Variants in FFAR4 observed in about 807,000 individuals in gnomAD.
FFAR4 encodes free fatty acid receptor 4.
A neutral mutation model predicts 27.0 loss-of-function variants in FFAR4; 19 were observed. That is an observed-to-expected ratio of 0.70 (90% CI 0.49 to 1.03). FFAR4 has a LOEUF of 1.03. Ranked by LOEUF, FFAR4 falls within the 50% of genes least tolerant of loss-of-function variation. FFAR4 has a pLI of 0.00. For missense variants in FFAR4, 476 were observed against 479.0 expected (o/e 0.99, Z 0.06); for synonymous variants, 254 against 215.6 (o/e 1.18, Z -1.56).
At chr10:93,571,642 T>C (rs2058132275) in intron 1 of FFAR4, among the ~76,000 whole-genome samples, 1 of 152,140 alleles carries the variant, frequency 6.6e-6, no homozygotes, top group South Asian at 2.1e-4. Flanking sequence ...TGAGTGTGGA[T>C]TGTCTGAGGA....
chr10:93,573,924 T>C (rs1287790885), intron 1 of FFAR4, among the ~76,000 whole-genome samples: 2 of 152,178 alleles, frequency 1.3e-5, no homozygotes, highest in African/African-American at 4.8e-5. Context: ...CTTTTTTCTT[T>C]TATAAAAGTA....
chr10:93,587,338 CCTT>C lies in FFAR4; in HGVS notation c.820_822del (p.Phe274del). On this transcript the variant is annotated inframe_deletion, in exon 3 of 3. Coordinates refer to ENST00000371481, the MANE Select transcript of FFAR4 (RefSeq NM_001195755.2). ...CGCACCCTCTTCCTCCTCATGGTCT[CCTT>C]CTTCATCATGTGGAGCCCCATCATC... The C allele has an allele frequency of 6.2e-7, 1 of 1,614,146 alleles. No individual in the cohort carries two copies. The highest frequency in any genetic ancestry group is 1.3e-5 in the African/African-American group (1 of 75,032).
At chr10:93,577,756 T>A (rs2058172852) in intron 2 of FFAR4, among the ~76,000 whole-genome samples, 2 of 152,182 alleles carry the variant, frequency 1.3e-5, no homozygotes, top group South Asian at 4.1e-4. Flanking sequence ...GAATTACAGA[T>A]GAAGAAACCC....
In FFAR4 at chr10:93,566,785, G is replaced by A. The variant is rs1453602219; in HGVS notation, c.65G>A (p.Arg22His). The A allele has an allele frequency of 1.2e-6, 2 of 1,608,374 alleles. No homozygotes were observed. The highest frequency in any genetic ancestry group is 2.2e-5 in the East Asian group (1 of 44,730). ...APLRSLEQANRTRFPFFSDVK... is the reference protein window; with the variant it reads ...APLRSLEQANHTRFPFFSDVK... ...TTGCGCAGCCTGGAGCAAGCCAACC[G>A]CACCCGCTTTCCCTTCTTCTCCGAC... The change falls in exon 1 of 3, where the codon CGC becomes CAC. Residue 22 changes from arginine to histidine, a missense_variant. By Grantham distance (29) the Arg-to-His change is conservative. Coordinates refer to ENST00000371481, the MANE Select transcript of FFAR4 (RefSeq NM_001195755.2).
At chr10:93,586,797 C>T (rs189053291) in intron 2 of FFAR4, among the ~76,000 whole-genome samples, 5 of 152,286 alleles carry the variant, frequency 3.3e-5, no homozygotes, top group South Asian at 4.1e-4. Flanking sequence ...AAAATACTCA[C>T]GTTAGTCACC....
Position 93,567,046 on chromosome 10 carries a change from T to C in FFAR4, c.326T>C (p.Val109Ala). ...ACTGAGGCCTGGCTGCTGGGCCCCG[T>C]TGCCTGCCACCTGCTCTTCTACGTG... is the stretch of plus-strand genomic sequence containing the variant. Reference protein sequence around the residue: ...RWTEAWLLGPVACHLLFYVMT... With the variant: ...RWTEAWLLGPAACHLLFYVMT... The change falls in exon 1 of 3, where the codon GTT becomes GCT. Residue 109 changes from valine to alanine, a missense_variant. Coordinates refer to ENST00000371481, the MANE Select transcript of FFAR4 (RefSeq NM_001195755.2). 1.2e-6 allele frequency: 2 copies of C among 1,611,550 alleles called. No homozygotes were observed. Among genetic ancestry groups the C allele is most frequent in the African/African-American group, 1.3e-5 (1 of 75,020 alleles).
chr10:93,585,325 T>C (rs1227448913), intron 2 of FFAR4, among the ~76,000 whole-genome samples: 2 of 152,194 alleles, frequency 1.3e-5, no homozygotes, highest in South Asian at 2.1e-4. Flanking sequence ...TGTGCAAGGA[T>C]ACGCATGAGG....
intron 2 of FFAR4, among the ~76,000 whole-genome samples, chr10:93,580,317 A>T (rs2058190126): frequency 6.6e-6 from 1 of 152,214 alleles, no homozygotes; most frequent in South Asian, 2.1e-4. Flanking sequence ...GGATACAAAC[A>T]CTACAGCACC....
At chr10:93,583,672 G>A (rs1165668905) in intron 2 of FFAR4, among the ~76,000 whole-genome samples, 1 of 152,330 alleles carries the variant, frequency 6.6e-6, no homozygotes, top group Admixed American at 6.5e-5. Context: ...CAAGTTGGCA[G>A]TCCACCTCGG....
intron 1 of FFAR4, among the ~76,000 whole-genome samples, chr10:93,572,979 T>G (rs2058140569): frequency 1.3e-5 from 2 of 152,170 alleles, no homozygotes; most frequent in African/African-American, 4.8e-5. Context: ...CCTCCCAATT[T>G]CATCCCACAA....
chr10:93,569,827 G>A (rs1004340081), intron 1 of FFAR4, among the ~76,000 whole-genome samples: 1 of 151,922 alleles, frequency 6.6e-6, no homozygotes, highest in East Asian at 1.9e-4. Flanking sequence ...GGGAGGCTGA[G>A]GTGGGCGGAT....
rs970428546 is a variant in FFAR4 at position 93,588,476 on chromosome 10, T to G, written c.*867T>G. ...TCATGAAATGAGAGAGAAAGTAGGATGGCTCTGAAATGTTTGAGAGTGAGT... is the reference window on the plus strand; with the variant it reads ...TCATGAAATGAGAGAGAAAGTAGGAGGGCTCTGAAATGTTTGAGAGTGAGT... On this transcript the variant is annotated 3_prime_UTR_variant, in exon 3 of 3. Coordinates refer to ENST00000371481, the MANE Select transcript of FFAR4 (RefSeq NM_001195755.2). 1 of 151,860 alleles carries G rather than the reference T, an allele frequency of 6.6e-6. No homozygotes were observed. Among genetic ancestry groups the G allele is most frequent in the African/African-American group, 2.4e-5 (1 of 41,316 alleles). 9.4% of individuals were successfully genotyped at this position (151,860 alleles called of 1,614,324 possible).
intron 1 of FFAR4, among the ~76,000 whole-genome samples, chr10:93,571,183 T>C (rs2058129842): frequency 6.6e-6 from 1 of 152,178 alleles, no homozygotes; most frequent in South Asian, 2.1e-4. Flanking sequence ...CTCACCCTGC[T>C]TCAACAGGAT....
chr10:93,572,564 GAAAAT>G (rs1233812066), intron 1 of FFAR4, among the ~76,000 whole-genome samples: 1 of 152,208 alleles, frequency 6.6e-6, no homozygotes, highest in Non-Finnish European at 1.5e-5. Flanking sequence ...GTAGGCCAGT[GAAAAT>G]GCAATAGGTG....
In FFAR4 at chr10:93,567,294, G is replaced by T. The variant is rs573284989; in HGVS notation, c.567+7G>T. 7.5e-6 allele frequency: 12 copies of T among 1,596,242 alleles called. No homozygotes were observed. Among genetic ancestry groups the T allele is most frequent in the Non-Finnish European group, 1.0e-5 (12 of 1,178,626 alleles). Reference sequence around the variant, plus strand: ...GCTCCCCGGCGCCGACCAGGTGAGCGCCCCTCTGTGTGTGCCGGGCAGGTG... The same window carrying T: ...GCTCCCCGGCGCCGACCAGGTGAGCTCCCCTCTGTGTGTGCCGGGCAGGTG... On this transcript the variant is annotated splice_region_variant and intron_variant, in intron 1 of 2. Coordinates refer to ENST00000371481, the MANE Select transcript of FFAR4 (RefSeq NM_001195755.2).
Position 93,566,939 on chromosome 10 carries a change from G to T in FFAR4, c.219G>T (p.Ala73=), listed in dbSNP as rs532311130. Residue 73 remains alanine (A), a synonymous_variant, in exon 1 of 3, where the codon GCG becomes GCT. Coordinates refer to ENST00000371481, the MANE Select transcript of FFAR4 (RefSeq NM_001195755.2). ...VLVARRRRRG[A]TACLVLNLFC... ...TGGCGCGCCGACGACGCCGCGGCGC[G>T]ACTGCCTGCCTGGTACTCAACCTCT... 2 of 1,610,486 alleles carry T rather than the reference G, an allele frequency of 1.2e-6. No individual in the cohort carries two copies.
chr10:93,579,847 T>C (rs2058188243), intron 2 of FFAR4, among the ~76,000 whole-genome samples: 1 of 152,356 alleles, frequency 6.6e-6, no homozygotes, highest in African/African-American at 2.4e-5. Context: ...TGTGTGACCT[T>C]GGGCAAGTCA....
At position 93,584,647 on chromosome 10, in the gene FFAR4, G is replaced by GA. The variant is rs369603367; in HGVS notation, c.697-2572dup. ...ACAGGTGGACCTAAACTCCTGCACA[G>GA]AGCAAGCAGCCACATTGAATCATAA... On this transcript the variant is annotated intron_variant, in intron 2 of 2. Transcript: ENST00000371481. 5.6e-3 allele frequency among the ~76,000 whole-genome samples: 859 copies of GA among 152,226 alleles called. 10 individuals are homozygous for GA. The highest frequency in any genetic ancestry group is 0.02 in the African/African-American group (810 of 41,538).
In FFAR4 at chr10:93,567,913, T is replaced by C. The variant is rs116307097; in HGVS notation, c.567+626T>C. ...ATTCCCTTCCGGGGTCTTCAGTTTT[T>C]TCAGCTGCAAAACGGAAGGATTACA... On this transcript the variant is annotated intron_variant, in intron 1 of 2. Transcript: ENST00000371481. 4.6e-3 allele frequency among the ~76,000 whole-genome samples: 694 copies of C among 152,240 alleles called. 6 individuals are homozygous for C. Among genetic ancestry groups the C allele is most frequent in the African/African-American group, 0.016 (674 of 41,548 alleles).
Sources: gnomAD v4.1 joint callset for allele counts (sites outside exome capture counted in the v4.1 genomes callset) on GRCh38, gnomAD v4.1.1 for gene constraint, MANE v1.5 for transcripts, NCBI Gene and HGNC (gene_info 2026-07-23, HGNC 2026-07-21) for gene names.